Variants in AK9 observed in about 807,000 individuals in gnomAD.
AK9 encodes the protein adenylate kinase domain containing 1.
Under a neutral mutation model 239.6 loss-of-function variants are expected in AK9, and 191 were observed. The observed-to-expected ratio is 0.80, with a 90% CI of 0.71 to 0.90. The LOEUF is 0.90. AK9 is among the 40% of genes least tolerant of loss of function. AK9 has a pLI of 0.00. For synonymous variants in AK9, 689 were observed against 721.0 expected (o/e 0.96, Z 0.71); for missense variants, 1,995 against 2,214.7 (o/e 0.90, Z 1.99).
chr6:109,503,521 G>A (rs1221470844), intron 35 of AK9, among the ~76,000 whole-genome samples: 1 of 152,066 alleles, frequency 6.6e-6, no homozygotes, highest in African/African-American at 2.4e-5. Flanking sequence ...TTGGCCTCCT[G>A]GTAGGAGAGG....
At chr6:109,691,000 G>A (rs1387300421) in intron 1 of AK9, 147 bp downstream of exon 1, 1 of 208,418 alleles carries the variant, frequency 4.8e-6, no homozygotes, top group Middle Eastern at 2.1e-3. Flanking sequence ...GAAAACACAA[G>A]GATCTATCCT....
At position 109,514,269 on chromosome 6, in the gene AK9, T is replaced by C; in HGVS notation, c.4234A>G (p.Ile1412Val). The stretch of plus-strand genomic sequence containing the variant: ...GGAGGCCCCACAATTATAATCCTAA[T>C]GGGCACAGTAGGCTTAGGTTTGGGT... Reference protein sequence around the residue: ...RQPKPKPTVPIRIIIVGPPKS... With the variant: ...RQPKPKPTVPVRIIIVGPPKS... Residue 1412 changes from isoleucine to valine, a missense_variant, in exon 32 of 41, where the codon ATT becomes GTT. By Grantham distance (29) the Ile-to-Val change is conservative (BLOSUM62 3). Coordinates refer to ENST00000424296, the MANE Select transcript of AK9 (RefSeq NM_001145128.3). 1 of 1,551,852 alleles carries C rather than the reference T, an allele frequency of 6.4e-7. No individual in the cohort carries two copies. Among genetic ancestry groups the C allele is most frequent in the Non-Finnish European group, 8.7e-7 (1 of 1,146,962 alleles).
At chr6:109,687,529 C>T (rs576123747) in intron 1 of AK9, among the ~76,000 whole-genome samples, 1 of 152,252 alleles carries the variant, frequency 6.6e-6, no homozygotes, top group South Asian at 2.1e-4. Context: ...TGTGAGAGGA[C>T]CACGTGATGA....
intron 28 of AK9, among the ~76,000 whole-genome samples, chr6:109,529,561 C>T (rs1421552888): frequency 2.0e-5 from 3 of 152,112 alleles, no homozygotes; most frequent in Non-Finnish European, 4.4e-5. Context: ...ATTTATTGTG[C>T]ACTTTATTTC....
At chr6:109,609,411 C>T (rs1379257586) in intron 17 of AK9, among the ~76,000 whole-genome samples, 2 of 152,200 alleles carry the variant, frequency 1.3e-5, no homozygotes, top group Admixed American at 6.5e-5. Context: ...CCCCACCTGA[C>T]GGATAGCTCC....
chr6:109,662,477 T>C (rs1800561028), intron 6 of AK9, 74 bp downstream of exon 6: 2 of 1,215,046 alleles, frequency 1.6e-6, no homozygotes, highest in Admixed American at 6.0e-5. Flanking sequence ...TAAAAATGTT[T>C]AAAGCATTCC....
chr6:109,505,673 C>T (rs2128104227), intron 35 of AK9, among the ~76,000 whole-genome samples: 1 of 152,288 alleles, frequency 6.6e-6, no homozygotes, highest in Non-Finnish European at 1.5e-5. Flanking sequence ...TAGCTTCTTA[C>T]TATTCCAAAC....
At chr6:109,633,439 A>G in intron 10 of AK9, 116 bp from the exon 11 acceptor site, 1 of 1,238,088 alleles carries the variant, frequency 8.1e-7, no homozygotes, top group Non-Finnish European at 1.1e-6. Context: ...ATAATTTAAA[A>G]AGGAAATTTT....
intron 29 of AK9, chr6:109,528,519 T>A (rs1780800261): frequency 2.2e-6 from 1 of 456,274 alleles, no homozygotes; most frequent in African/African-American, 2.0e-5. Context: ...CTCAGTCCAA[T>A]GGTTTTTTCT....
At chr6:109,690,714 G>A (rs1370778103) in intron 1 of AK9, 1 of 152,226 alleles carries the variant, frequency 6.6e-6, no homozygotes, top group Non-Finnish European at 1.5e-5. Flanking sequence ...GAGAGGGTAC[G>A]CGCATGCCCA....
chr6:109,552,547 G>A (rs1340602706), intron 24 of AK9, among the ~76,000 whole-genome samples: 2 of 152,020 alleles, frequency 1.3e-5, no homozygotes, highest in African/African-American at 4.8e-5. Flanking sequence ...TTTTGATGAG[G>A]TTGTTTGTTT....
intron 1 of AK9, among the ~76,000 whole-genome samples, chr6:109,687,948 C>T (rs1017812530): frequency 4.6e-5 from 7 of 152,138 alleles, no homozygotes; most frequent in African/African-American, 1.7e-4. Flanking sequence ...ATAATTTATC[C>T]AGTAGACATG....
intron 10 of AK9, among the ~76,000 whole-genome samples, chr6:109,638,569 C>T (rs1409660390): frequency 1.3e-5 from 2 of 152,174 alleles, no homozygotes; most frequent in African/African-American, 4.8e-5. Context: ...CAGCCTCAAC[C>T]TCTAGGCTCA....
At position 109,571,243 on chromosome 6, in the gene AK9, T is replaced by C. The variant is rs193206431; in HGVS notation, c.2344+2199A>G. On this transcript the variant is annotated intron_variant, in intron 21 of 40. Coordinates refer to ENST00000424296, the MANE Select transcript of AK9 (RefSeq NM_001145128.3). ...GAATTATCATTATCCTAATACCACA[T>C]AGCTACAGAAATCCACAGCCTGTTC... 1.4e-3 allele frequency among the ~76,000 whole-genome samples: 214 copies of C among 152,324 alleles called. 1 individual carries two copies. Among genetic ancestry groups the C allele is most frequent in the African/African-American group, 4.6e-3 (191 of 41,580 alleles).
At chr6:109,665,666 C>T (rs9374114) in intron 5 of AK9, among the ~76,000 whole-genome samples, 4 of 152,042 alleles carry the variant, frequency 2.6e-5, no homozygotes, top group African/African-American at 9.7e-5. Flanking sequence ...CTACACTGAA[C>T]GGGACTGCAT....
At chr6:109,618,340 A>C (rs1269988551) in intron 13 of AK9, among the ~76,000 whole-genome samples, 1 of 152,086 alleles carries the variant, frequency 6.6e-6, no homozygotes, top group East Asian at 1.9e-4. Flanking sequence ...CAAGACTACC[A>C]ACTAGAGATA....
intron 24 of AK9, among the ~76,000 whole-genome samples, chr6:109,556,940 C>G (rs1209300333): frequency 6.6e-6 from 1 of 151,850 alleles, no homozygotes; most frequent in Non-Finnish European, 1.5e-5. Context: ...GCTCCTTTAA[C>G]TCATCTTAAT....
intron 21 of AK9, among the ~76,000 whole-genome samples, chr6:109,567,162 A>G (rs1786663067): frequency 6.6e-6 from 1 of 152,206 alleles, no homozygotes; most frequent in African/African-American, 2.4e-5. Flanking sequence ...GAAAAGATCA[A>G]CAAAATTGAT....
rs1195914428 is a variant in AK9, at chr6:109,566,333, CA to C, written c.2345-1489del. On this transcript the variant is annotated intron_variant, in intron 21 of 40. Coordinates refer to ENST00000424296, the MANE Select transcript of AK9 (RefSeq NM_001145128.3). ...AGAGTTGGATATATTCTGCTTCATCCAAGAATAAGTCCACAAAAACAACAAA... is the reference window on the plus strand; with the variant it reads ...AGAGTTGGATATATTCTGCTTCATCCAGAATAAGTCCACAAAAACAACAAA... Among the ~76,000 whole-genome samples, 12 of 152,004 alleles carry C rather than the reference CA, an allele frequency of 7.9e-5. No individual in the cohort carries two copies. The East Asian group carries it at 2.1e-3, about 27-fold the overall frequency.
Sources: allele counts gnomAD v4.1 joint callset (sites outside exome capture counted in the v4.1 genomes callset), GRCh38; gene constraint gnomAD v4.1.1; transcripts MANE v1.5; gene names NCBI Gene and HGNC (gene_info 2026-07-23, HGNC 2026-07-21).